The following DRC8 variants were observed in gnomAD, a reference collection of about 807,000 sequenced individuals.
DRC8 encodes the protein dynein regulatory complex protein 8.
the DRC8 span, chr1:245,087,051 A>G: frequency 5.1e-6 from 4 of 789,926 alleles, no homozygotes; most frequent in Non-Finnish European, 7.9e-6. Flanking sequence ...AGAAGTCCAG[A>G]ATCTACCAGG....
At chr1:245,011,299 T>C in the DRC8 span, among the ~76,000 whole-genome samples, 37 of 152,282 alleles carry the variant, frequency 2.4e-4, no homozygotes, top group East Asian at 3.1e-3. Flanking sequence ...CCTAAATTGA[T>C]AGGAATTGAT....
the DRC8 span, among the ~76,000 whole-genome samples, chr1:245,047,958 G>C: frequency 2.2e-5 from 3 of 137,696 alleles, no homozygotes; most frequent in Non-Finnish European, 3.1e-5. Context: ...CTGGGTGAGA[G>C]AGCTGGACTC....
At chr1:245,072,609 G>A in the DRC8 span, among the ~76,000 whole-genome samples, 1 of 152,272 alleles carries the variant, frequency 6.6e-6, no homozygotes, top group Non-Finnish European at 1.5e-5. Context: ...TTATGCATTT[G>A]TCCACACCCA....
the DRC8 span, among the ~76,000 whole-genome samples, chr1:245,050,472 A>G: frequency 1.3e-5 from 2 of 152,068 alleles, no homozygotes; most frequent in African/African-American, 4.8e-5. Flanking sequence ...CCTAGTGCTG[A>G]GGGGGTCACT....
the DRC8 span, among the ~76,000 whole-genome samples, chr1:245,084,058 T>TA: frequency 3.3e-5 from 1 of 30,072 alleles, no homozygotes; most frequent in African/African-American, 8.6e-5. Flanking sequence ...AATATAAAAA[T>TA]TCCGCCCCCC....
the DRC8 span, chr1:245,086,609 C>T: frequency 4.5e-5 from 20 of 444,398 alleles, no homozygotes; most frequent in South Asian, 9.9e-5. Context: ...GTTTAGCAGC[C>T]GGGAAGATCT....
the DRC8 span, among the ~76,000 whole-genome samples, chr1:245,035,186 C>CT: frequency 1.5e-4 from 19 of 130,362 alleles, 1 homozygote; most frequent in South Asian, 6.9e-4. Context: ...TCCTGGTTGC[C>CT]TTTTTTTTTT....
chr1:245,049,771 A>G, the DRC8 span, among the ~76,000 whole-genome samples: 1 of 152,174 alleles, frequency 6.6e-6, no homozygotes, highest in Admixed American at 6.5e-5. The surrounding 1 kb of genome is among the most constrained non-coding windows in gnomAD (Gnocchi z 4.5). Context: ...TTTAAGTCCA[A>G]GTGCTTGACT....
At chr1:245,050,387 A>G in the DRC8 span, among the ~76,000 whole-genome samples, 4 of 152,020 alleles carry the variant, frequency 2.6e-5, no homozygotes, top group African/African-American at 4.8e-5. Flanking sequence ...GGCGTGACCC[A>G]CCGCGCCCAG....
the DRC8 span, among the ~76,000 whole-genome samples, chr1:245,088,601 A>G: frequency 1.3e-5 from 2 of 152,224 alleles, no homozygotes; most frequent in Non-Finnish European, 2.9e-5. This position sits in a 1 kb window ranked among gnomAD's most constrained non-coding sequence, Gnocchi z 4.6. Flanking sequence ...GGCAGTCAGC[A>G]GCCACATTTC....
At chr1:245,007,934 G>A in the DRC8 span, among the ~76,000 whole-genome samples, 656 of 152,282 alleles carry the variant, frequency 4.3e-3, 2 homozygotes, top group Non-Finnish European at 7.0e-3. Context: ...AGAGGCCAAC[G>A]TGGGAGGATT....
chr1:245,021,919 C>G, the DRC8 span, among the ~76,000 whole-genome samples: 1 of 152,214 alleles, frequency 6.6e-6, no homozygotes, highest in Non-Finnish European at 1.5e-5. Flanking sequence ...AAGCGATCCT[C>G]CTGTCTCAGC....
the DRC8 span, among the ~76,000 whole-genome samples, chr1:245,027,200 G>C: frequency 6.6e-6 from 1 of 152,142 alleles, no homozygotes; most frequent in Non-Finnish European, 1.5e-5. Flanking sequence ...TTAAAGAAAA[G>C]AGTCAAAGAG....
chr1:245,010,344 G>A, the DRC8 span, among the ~76,000 whole-genome samples: 1 of 152,200 alleles, frequency 6.6e-6, no homozygotes, highest in East Asian at 1.9e-4. Flanking sequence ...TGCTCTTTGG[G>A]CACCTGGAAC....
At chr1:244,987,204 T>C in the DRC8 span, among the ~76,000 whole-genome samples, 1 of 151,974 alleles carries the variant, frequency 6.6e-6, no homozygotes, top group Non-Finnish European at 1.5e-5. Flanking sequence ...AGTATTTCTT[T>C]CTTTTTTTTT....
the DRC8 span, among the ~76,000 whole-genome samples, chr1:244,989,420 A>G: frequency 2.6e-5 from 4 of 152,156 alleles, no homozygotes; most frequent in Admixed American, 2.0e-4. Flanking sequence ...CCTCCTTGAC[A>G]GTTTTCAGAA....
At chr1:245,116,593 A>G in the DRC8 span, among the ~76,000 whole-genome samples, 3 of 152,204 alleles carry the variant, frequency 2.0e-5, no homozygotes, top group African/African-American at 7.2e-5. Context: ...CCAGGGCAAG[A>G]GGAAAGTGCC....
chr1:245,059,487 C>T, the DRC8 span: 1 of 1,587,920 alleles, frequency 6.3e-7, no homozygotes, highest in Admixed American at 1.8e-5. Flanking sequence ...TTTCATTCAG[C>T]CAGCTCTCTG....
At chr1:245,032,058 A>T in the DRC8 span, among the ~76,000 whole-genome samples, 1 of 152,350 alleles carries the variant, frequency 6.6e-6, no homozygotes, top group East Asian at 1.9e-4. Flanking sequence ...CTGTAGCAAT[A>T]GAGTTCAGTG....
Sources: gnomAD v4.1 joint callset for allele counts (sites outside exome capture counted in the v4.1 genomes callset) on GRCh38, gnomAD v4.1.1 for gene constraint, Gnocchi (gnomAD v3.1) non-coding constraint, MANE v1.5 for transcripts, NCBI Gene and HGNC (gene_info 2026-07-23, HGNC 2026-07-21) for gene names.